Variants in FBXO34 observed in about 807,000 individuals in gnomAD.
The protein encoded by FBXO34 is F-box protein 34.
In FBXO34, 12 loss-of-function variants were observed where a neutral mutation model predicts 24.5. The ratio of observed to expected loss-of-function variants is 0.49; its 90% CI spans 0.31 to 0.79. The LOEUF (loss-of-function observed/expected upper bound fraction) is 0.79. Among genes scored for constraint, FBXO34 ranks in the 30% least tolerant of loss-of-function variants. The pLI is 0.04. For synonymous variants in FBXO34, 320 were observed against 311.9 expected, an observed-to-expected ratio of 1.03 and a Z score of -0.27; for missense variants, 823 against 857.7, an observed-to-expected ratio of 0.96 and a Z score of 0.51.
intron 1 of FBXO34, among the ~76,000 whole-genome samples, chr14:55,308,593 T>G (rs572429378): frequency 6.6e-6 from 1 of 152,232 alleles, no homozygotes; most frequent in Non-Finnish European, 1.5e-5. Context: ...TACTCTCTAT[T>G]GTAACTGCCA....
At chr14:55,428,440 A>G in the FBXO34 span, among the ~76,000 whole-genome samples, 2 of 152,012 alleles carry the variant, frequency 1.3e-5, no homozygotes, top group Admixed American at 6.6e-5. Context: ...TTGTATGCTT[A>G]CAAATCTGTA....
At chr14:55,376,151 C>A in the FBXO34 span, among the ~76,000 whole-genome samples, 1 of 152,212 alleles carries the variant, frequency 6.6e-6, no homozygotes. Flanking sequence ...ACCACTTGTA[C>A]TGGCTCTGTG....
chr14:55,310,869 T>C (rs115494212), intron 1 of FBXO34, among the ~76,000 whole-genome samples: 3 of 152,168 alleles, frequency 2.0e-5, no homozygotes, highest in Non-Finnish European at 4.4e-5. Flanking sequence ...GATAGCGTTT[T>C]CTTATCTGAA....
Position 55,331,842 on chromosome 14 carries a change from T to A in FBXO34, c.-10-18539T>A, listed in dbSNP as rs1594756224. Among the ~76,000 whole-genome samples, 2 of 46,574 alleles carry A rather than the reference T, an allele frequency of 4.3e-5. 1 individual carries two copies. Among genetic ancestry groups the A allele is most frequent in the African/African-American group, 2.0e-4 (2 of 9,858 alleles). 30.6% of individuals were successfully genotyped at this position (46,574 alleles called of 152,430 possible). ...CCACCGGGGTGTATATATAAAAATATATATATACACCACCGGGGTGTATAT... is the reference window on the plus strand; with the variant it reads ...CCACCGGGGTGTATATATAAAAATAAATATATACACCACCGGGGTGTATAT... On this transcript the variant is annotated intron_variant, in intron 1 of 1. Coordinates refer to ENST00000313833, the MANE Select transcript of FBXO34 (RefSeq NM_017943.4).
At chr14:55,355,731 A>G (rs185513709), downstream of FBXO34, among the ~76,000 whole-genome samples, 189 of 152,332 alleles carry the variant, frequency 1.2e-3, 1 homozygote, top group Middle Eastern at 3.4e-3. Context: ...TTGCCCACCC[A>G]CTGCACTCAA....
chr14:55,354,590 G>T (rs1884491989), downstream of FBXO34: 1 of 152,270 alleles, frequency 6.6e-6, no homozygotes, highest in Non-Finnish European at 1.5e-5. Flanking sequence ...GGCACAGTAA[G>T]TATGTCCCAG....
At position 55,331,838 on chromosome 14, in the gene FBXO34, A is replaced by AAT. The variant is rs1338084800; in HGVS notation, c.-10-18533_-10-18532dup. Among the ~76,000 whole-genome samples the AAT allele has an allele frequency of 3.2e-4, 15 of 47,022 alleles. 7 individuals are homozygous for AAT. The highest frequency in any genetic ancestry group is 1.1e-3 in the East Asian group (2 of 1,868). The allele number at this position is 47,022 out of a possible 152,430, so 30.8% of individuals were successfully genotyped here. A position where few individuals can be genotyped will look rare whatever the true frequency, so the allele number is the denominator to read the frequency against. On this transcript the variant is annotated intron_variant, in intron 1 of 1. Coordinates refer to ENST00000313833, the MANE Select transcript of FBXO34 (RefSeq NM_017943.4). ...TACACCACCGGGGTGTATATATAAA[A>AAT]ATATATATATACACCACCGGGGTGT...
chr14:55,403,389 C>T, the FBXO34 span, among the ~76,000 whole-genome samples: 2 of 152,132 alleles, frequency 1.3e-5, no homozygotes, highest in Non-Finnish European at 2.9e-5. Context: ...TAACTACACT[C>T]GCTTCTTCTG....
At chr14:55,316,086 G>C (rs529204104) in intron 1 of FBXO34, among the ~76,000 whole-genome samples, 1 of 151,822 alleles carries the variant, frequency 6.6e-6, no homozygotes, top group Non-Finnish European at 1.5e-5. Flanking sequence ...TGCTTGCCCT[G>C]TATCACCTTT....
the FBXO34 span, among the ~76,000 whole-genome samples, chr14:55,375,688 G>T: frequency 1.3e-5 from 2 of 151,826 alleles, no homozygotes; most frequent in East Asian, 3.9e-4. Context: ...TGGATATCCA[G>T]TTCAATAATT....
In FBXO34 at chr14:55,286,117, A is replaced by G. The variant is rs78217417; in HGVS notation, c.-11+14580A>G. ...TCCTTCCAAATTCCTTCCAATCAAT[A>G]ACTTAGAAGAGAAAATTAATCTCTA... On this transcript the variant is annotated intron_variant, in intron 1 of 1. Coordinates refer to ENST00000313833, the MANE Select transcript of FBXO34 (RefSeq NM_017943.4). Among the ~76,000 whole-genome samples the G allele has an allele frequency of 3.9e-3, 589 of 152,316 alleles. 4 individuals carry two copies. Among genetic ancestry groups the G allele is most frequent in the Admixed American group, 9.4e-3 (144 of 15,300 alleles).
chr14:55,414,099 G>C, the FBXO34 span: 3 of 561,318 alleles, frequency 5.3e-6, no homozygotes, highest in East Asian at 1.3e-4. Context: ...CGGCTAAAAG[G>C]AAACGCATTG....
chr14:55,291,246 A>C (rs1881936068), intron 1 of FBXO34, among the ~76,000 whole-genome samples: 3 of 152,146 alleles, frequency 2.0e-5, no homozygotes, highest in Admixed American at 6.6e-5. Context: ...TGTATTTGCT[A>C]ATTTCATAGG....
rs1382600707 is a variant in FBXO34 at position 55,350,324 on chromosome 14, A to AT, written c.-10-50dup. 34 of 1,338,604 alleles carry AT rather than the reference A, an allele frequency of 2.5e-5. No homozygotes were observed. The Middle Eastern group carries it at 5.7e-4, about 22-fold the overall frequency. The allele number at this position is 1,338,604 out of a possible 1,614,324, so 82.9% of individuals were successfully genotyped here. A position where few individuals can be genotyped will look rare whatever the true frequency, so the allele number is the denominator to read the frequency against. On this transcript the variant is annotated intron_variant, in intron 1 of 1. Coordinates refer to ENST00000313833, the MANE Select transcript of FBXO34 (RefSeq NM_017943.4). ...ACCATCTGAGCTTAAATTTAAAAAC[A>AT]TTTTTTTCTAAAAACAAAATTGGTT...
In FBXO34 at chr14:55,287,265, TG is replaced by T. The variant is rs139808531; in HGVS notation, c.-11+15729del. Among the ~76,000 whole-genome samples, 1,415 of 152,350 alleles carry T rather than the reference TG, an allele frequency of 9.3e-3. 30 individuals are homozygous for T. The highest frequency in any genetic ancestry group is 0.033 in the African/African-American group (1,366 of 41,576). On this transcript the variant is annotated intron_variant, in intron 1 of 1. Transcript: ENST00000313833. ...TTTTATACAATATTTTAAATAATTTTGTTCAGGAAACAAAGTTTGTGTACAT... is the reference window on the plus strand; with the variant it reads ...TTTTATACAATATTTTAAATAATTTTTTCAGGAAACAAAGTTTGTGTACAT...
chr14:55,427,666 A>AT, the FBXO34 span, among the ~76,000 whole-genome samples: 23 of 152,074 alleles, frequency 1.5e-4, no homozygotes, highest in African/African-American at 5.3e-4. Context: ...GTCACCCTCC[A>AT]TCCCTGCTCT....
intron 1 of FBXO34, among the ~76,000 whole-genome samples, chr14:55,334,863 T>A (rs1180189406): frequency 6.6e-6 from 1 of 152,230 alleles, no homozygotes; most frequent in Non-Finnish European, 1.5e-5. Flanking sequence ...ACTGCTGCGC[T>A]GAGTTTTCAT....
the FBXO34 span, among the ~76,000 whole-genome samples, chr14:55,405,703 C>T: frequency 3.9e-5 from 6 of 152,218 alleles, no homozygotes; most frequent in Non-Finnish European, 8.8e-5. Flanking sequence ...ATACATAATC[C>T]ATACAGTTCT....
At chr14:55,417,065 G>A in the FBXO34 span, among the ~76,000 whole-genome samples, 4 of 152,198 alleles carry the variant, frequency 2.6e-5, no homozygotes, top group South Asian at 2.1e-4. Flanking sequence ...TTTCCCAAGA[G>A]GGAATGGACA....
Sources: allele counts gnomAD v4.1 joint callset (sites outside exome capture counted in the v4.1 genomes callset), GRCh38; gene constraint gnomAD v4.1.1; transcripts MANE v1.5; gene names NCBI Gene and HGNC (gene_info 2026-07-23, HGNC 2026-07-21).